The following KMT2C variants were observed in gnomAD, a reference collection of about 807,000 sequenced individuals.
KMT2C encodes histone-lysine N-methyltransferase 2C.
In KMT2C, 88 loss-of-function variants were observed where a neutral mutation model predicts 507.9. The observed-to-expected ratio is 0.17, with a 90% confidence interval of 0.15 to 0.21. The LOEUF (loss-of-function observed/expected upper bound fraction) is 0.21. KMT2C is among the 10% of genes least tolerant of loss of function. KMT2C has a pLI of 1.00. For missense variants in KMT2C, 4,954 were observed against 5,957.8 expected, an observed-to-expected ratio of 0.83 and a Z score of 5.55; for synonymous variants, 2,049 against 2,080.8, an observed-to-expected ratio of 0.98 and a Z score of 0.42.
intron 1 of KMT2C, among the ~76,000 whole-genome samples, chr7:152,385,953 T>C (rs2097422216): frequency 2.0e-5 from 3 of 151,784 alleles, no homozygotes; most frequent in African/African-American, 2.4e-5. Context: ...CCTGGCGTGG[T>C]AGCACTCACC....
chr7:152,367,020 G>T, intron 1 of KMT2C: 1 of 594,580 alleles, frequency 1.7e-6, no homozygotes, highest in South Asian at 2.0e-5. Flanking sequence ...CTGAGCCTGG[G>T]CTCTTGCTCT....
intron 3 of KMT2C, among the ~76,000 whole-genome samples, chr7:152,316,186 A>G (rs1027892766): frequency 6.6e-6 from 1 of 152,158 alleles, no homozygotes; most frequent in Non-Finnish European, 1.5e-5. Flanking sequence ...TTAGGAGCAA[A>G]GGGGATTTTT....
Position 152,413,694 on chromosome 7 carries a change from A to G in KMT2C, c.161+21932T>C, listed in dbSNP as rs538180412. Among the ~76,000 whole-genome samples, 122 of 151,354 alleles carry G rather than the reference A, an allele frequency of 8.1e-4. 2 individuals carry two copies. In the South Asian group the frequency reaches 0.011, roughly 14 times the overall value. On this transcript the variant is annotated intron_variant, in intron 1 of 58. Coordinates refer to ENST00000262189, the MANE Select transcript of KMT2C (RefSeq NM_170606.3). ...GAGGTCAGGAGTTCGAGACCAGCCT[A>G]GCCAACATAGCAAAACCCCATCTAT...
At chr7:152,280,409 G>A (rs375299954) in intron 6 of KMT2C, among the ~76,000 whole-genome samples, 21 of 152,314 alleles carry the variant, frequency 1.4e-4, no homozygotes, top group East Asian at 5.8e-4. Context: ...AAAATTAGCC[G>A]GCGTGGTGGC....
chr7:152,173,801 T>C (rs2093069254), intron 39 of KMT2C, among the ~76,000 whole-genome samples: 1 of 152,188 alleles, frequency 6.6e-6, no homozygotes, highest in South Asian at 2.1e-4. Context: ...AAATCTTAGA[T>C]AACATGAACA....
At chr7:152,137,057 T>A in intron 58 of KMT2C, 133 bp from the exon 59 acceptor site, 1 of 683,486 alleles carries the variant, frequency 1.5e-6, no homozygotes, top group East Asian at 2.7e-5. Flanking sequence ...TTTATTGAGG[T>A]TCCATGGGAC....
chr7:152,170,303 T>C (rs1196807808), intron 40 of KMT2C, among the ~76,000 whole-genome samples: 4 of 151,932 alleles, frequency 2.6e-5, no homozygotes, highest in Non-Finnish European at 5.9e-5. Context: ...ATCTAAAGCA[T>C]AACTGGCAGG....
At chr7:152,204,541 G>T (rs530914364) in intron 25 of KMT2C, among the ~76,000 whole-genome samples, 3 of 152,086 alleles carry the variant, frequency 2.0e-5, no homozygotes, top group Admixed American at 2.0e-4. Context: ...AGGCTGCAGT[G>T]ACCCATGATT....
chr7:152,383,976 C>A (rs2097397656), intron 1 of KMT2C, among the ~76,000 whole-genome samples: 2 of 151,268 alleles, frequency 1.3e-5, no homozygotes, highest in African/African-American at 4.9e-5. Context: ...TTGTTAGTTG[C>A]CCAAATTCTG....
rs2090892959 is a variant in KMT2C, at chr7:152,144,282, C to T, written c.14343+431G>A. On this transcript the variant is annotated intron_variant, in intron 55 of 58. Transcript: ENST00000262189. This position sits in a 1 kb window ranked among gnomAD's most constrained non-coding sequence, Gnocchi z 4.4. ...CCTTACTTGTAAGATAGTCCACAGT[C>T]TACCAAAAAACATGCACTGATTTCA... Among the ~76,000 whole-genome samples, 1 of 152,196 alleles carries T rather than the reference C, an allele frequency of 6.6e-6. No individual in the cohort carries two copies. Among genetic ancestry groups the T allele is most frequent in the Admixed American group, 6.5e-5 (1 of 15,288 alleles).
chr7:152,156,144 A>C, intron 45 of KMT2C, 61 bp downstream of exon 45: 1 of 1,601,424 alleles, frequency 6.2e-7, no homozygotes, highest in South Asian at 1.1e-5. Flanking sequence ...GCCATTTCAC[A>C]ATACACAACT....
At chr7:152,343,071 C>G (rs2129220885) in intron 2 of KMT2C, among the ~76,000 whole-genome samples, 1 of 152,156 alleles carries the variant, frequency 6.6e-6, no homozygotes, top group South Asian at 2.1e-4. Flanking sequence ...ACCCAGTGTA[C>G]TACACCTGGC....
chr7:152,192,640 C>G (rs570254435), intron 31 of KMT2C, among the ~76,000 whole-genome samples: 1 of 151,760 alleles, frequency 6.6e-6, no homozygotes, highest in Non-Finnish European at 1.5e-5. Flanking sequence ...TTTAGCCTAG[C>G]AAAAATCAAG....
intron 9 of KMT2C, among the ~76,000 whole-genome samples, chr7:152,258,885 G>A (rs2095708377): frequency 6.6e-6 from 1 of 152,090 alleles, no homozygotes; most frequent in East Asian, 1.9e-4. Flanking sequence ...ATATTTGCAT[G>A]GTCTTAAAGT....
At chr7:152,358,443 T>A (rs1240068628) in intron 2 of KMT2C, 144 bp downstream of exon 2, 2 of 492,236 alleles carry the variant, frequency 4.1e-6, no homozygotes, top group Non-Finnish European at 3.5e-6. Context: ...TCATTAGTTA[T>A]CAAAACAAGG....
rs367655701 is a variant in KMT2C at position 152,181,669 on chromosome 7, G to A, written c.6191C>T (p.Ser2064Leu). 3.3e-5 allele frequency: 53 copies of A among 1,613,978 alleles called. No individual in the cohort carries two copies. In the Admixed American group the frequency reaches 8.5e-4, roughly 26 times the overall value. The change falls in exon 36 of 59, where the codon TCA becomes TTA. Residue 2064 changes from serine (S) to leucine (L), a missense_variant. Physicochemically the swap from Ser to Leu is moderately radical, Grantham distance 145. This residue lies in a region of KMT2C where 1,689 missense variants were observed against 1,654.3 expected (regional missense o/e 1.02). Transcript: ENST00000262189. ...ATAAGGGTCAACAGACAATCGCCTT[G>A]ATGCCTGTGACACTGATCCATAAGG... ...QDPYGSVSQA[S>L]RRLSVDPYER...
intron 23 of KMT2C, among the ~76,000 whole-genome samples, chr7:152,215,688 T>TATATATATATATATATATACATAC (rs766518165): frequency 7.4e-6 from 1 of 134,432 alleles, no homozygotes; most frequent in African/African-American, 3.4e-5. Context: ...TATATATATA[T>TATATATATATATATATATACATAC]ACACACACAC....
At chr7:152,331,453 C>T (rs928274618) in intron 2 of KMT2C, among the ~76,000 whole-genome samples, 1 of 151,544 alleles carries the variant, frequency 6.6e-6, no homozygotes, top group African/African-American at 2.4e-5. Context: ...CCCATCTCTA[C>T]AAAAAATTAG....
intron 9 of KMT2C, among the ~76,000 whole-genome samples, chr7:152,253,709 A>G (rs542124298): frequency 3.3e-5 from 5 of 151,968 alleles, no homozygotes; most frequent in Middle Eastern, 3.4e-3. Flanking sequence ...AACACAGAGC[A>G]CGGTCAACGC....
Sources: allele counts gnomAD v4.1 joint callset (sites outside exome capture counted in the v4.1 genomes callset), GRCh38; gene constraint gnomAD v4.1.1; regional missense constraint gnomAD v4.1.1; non-coding constraint Gnocchi (gnomAD v3.1); transcripts MANE v1.5; gene names NCBI Gene and HGNC (gene_info 2026-07-23, HGNC 2026-07-21).